Variants in MRC1 observed in about 807,000 individuals in gnomAD.
MRC1 encodes mannose receptor C-type 1, also known as macrophage mannose receptor 1.
MRC1 carries 62 observed loss-of-function variants against 102.9 expected under a neutral mutation model. The observed-to-expected ratio is 0.60, with a 90% confidence interval of 0.49 to 0.74. The LOEUF (loss-of-function observed/expected upper bound fraction) is 0.74, where lower values mean the gene tolerates loss of function less well. Ranked by LOEUF, MRC1 falls within the 30% of genes least tolerant of loss-of-function variation. MRC1 has a pLI of 0.00. For synonymous variants in MRC1, 457 were observed against 298.4 expected, an observed-to-expected ratio of 1.53 and a Z score of -5.48; for missense variants, 1,237 against 862.8, an observed-to-expected ratio of 1.43 and a Z score of -5.43.
rs964446922 is a variant in MRC1 at position 17,848,894 on chromosome 10, G to A, written c.1064-685G>A. ...TGGTGGCGGAGGCTCCTTGGAGACC[G>A]TTTGTCCCCCAGCCATTCCAGCTCT... On this transcript the variant is annotated intron_variant, in intron 6 of 29. Coordinates refer to ENST00000569591, the MANE Select transcript of MRC1 (RefSeq NM_002438.4). Among the ~76,000 whole-genome samples, 29 of 152,234 alleles carry A rather than the reference G, an allele frequency of 1.9e-4. No homozygotes were observed. The East Asian group carries it at 3.1e-3, about 16-fold the overall frequency.
intron 1 of MRC1, among the ~76,000 whole-genome samples, chr10:17,811,314 A>G (rs2130565777): frequency 6.6e-6 from 1 of 152,274 alleles, no homozygotes; most frequent in South Asian, 2.1e-4. Flanking sequence ...GCACAGACAC[A>G]GTGCCTAATT....
At chr10:17,888,273 T>C (rs1207546166) in intron 22 of MRC1, among the ~76,000 whole-genome samples, 1 of 152,064 alleles carries the variant, frequency 6.6e-6, no homozygotes, top group Non-Finnish European at 1.5e-5. Flanking sequence ...GGGGTAAAAA[T>C]AGTTAAGAAA....
intron 15 of MRC1, among the ~76,000 whole-genome samples, chr10:17,872,915 C>T (rs1833374762): frequency 6.6e-6 from 1 of 152,168 alleles, no homozygotes; most frequent in African/African-American, 2.4e-5. Context: ...TCTTGGCAAC[C>T]ATTTCAACTC....
chr10:17,852,922 G>C, intron 7 of MRC1, 45 bp from the exon 8 acceptor site: 2 of 780,704 alleles, frequency 2.6e-6, no homozygotes, highest in Non-Finnish European at 4.8e-6. Context: ...CCGACCTTTG[G>C]AAAGCAACCC....
chr10:17,835,216 C>T (rs1338785317), intron 4 of MRC1, among the ~76,000 whole-genome samples: 1 of 152,188 alleles, frequency 6.6e-6, no homozygotes, highest in East Asian at 1.9e-4. Flanking sequence ...AATTCTATTT[C>T]CATCTGCATT....
chr10:17,825,912 G>T (rs931777921), intron 2 of MRC1, among the ~76,000 whole-genome samples: 2 of 152,088 alleles, frequency 1.3e-5, no homozygotes, highest in African/African-American at 2.4e-5. Flanking sequence ...TGAATACAGC[G>T]TGTTCCTAAT....
At chr10:17,825,578 G>T (rs925630323) in intron 2 of MRC1, among the ~76,000 whole-genome samples, 3,373 of 152,188 alleles carry the variant, frequency 0.022, 120 homozygotes, top group African/African-American at 0.078. Context: ...TAAACAAAAT[G>T]TAAAAATAAG....
chr10:17,903,382 C>CTTTTTTT (rs1210207060), intron 26 of MRC1, among the ~76,000 whole-genome samples: 3 of 125,046 alleles, frequency 2.4e-5, no homozygotes, highest in Non-Finnish European at 3.3e-5. Flanking sequence ...TTTTTCTTTT[C>CTTTTTTT]TTTTTTTTTC....
chr10:17,859,329 T>A (rs1332950680), intron 9 of MRC1, among the ~76,000 whole-genome samples: 1 of 152,194 alleles, frequency 6.6e-6, no homozygotes, highest in Non-Finnish European at 1.5e-5. Context: ...TTGTTGTTGT[T>A]GTTTTTGAGA....
chr10:17,845,558 T>G lies in MRC1; in HGVS notation c.1063+123T>G. The G allele has an allele frequency of 1.1e-5, 8 of 728,720 alleles. No individual in the cohort carries two copies. In the Admixed American group the frequency reaches 1.2e-4, roughly 11 times the overall value. The allele number at this position is 728,720 out of a possible 1,614,324, so 45.1% of individuals were successfully genotyped here. On this transcript the variant is annotated intron_variant, in intron 6 of 29. Coordinates refer to ENST00000569591, the MANE Select transcript of MRC1 (RefSeq NM_002438.4). ...TTTGTGGATAGTTGATGGGGTAAAC[T>G]TAATGATATTACTGCAATATTTCTG...
rs1833838133 is a variant in MRC1, at chr10:17,902,189, A to G, written c.3799+67A>G. The G allele has an allele frequency of 4.2e-6, 3 of 713,300 alleles. 1 individual carries two copies. The highest frequency in any genetic ancestry group is 3.5e-5 in the African/African-American group (2 of 56,430). 44.2% of individuals were successfully genotyped at this position (713,300 alleles called of 1,614,324 possible). Reference sequence around the variant, plus strand: ...ATTCTGGGGTCCACTGACACTATACATGAAATATACAAAGAATGTAAAAAT... The same window carrying G: ...ATTCTGGGGTCCACTGACACTATACGTGAAATATACAAAGAATGTAAAAAT... On this transcript the variant is annotated intron_variant, in intron 26 of 29. Transcript: ENST00000569591.
At chr10:17,893,812 A>C (rs1245405157) in intron 22 of MRC1, among the ~76,000 whole-genome samples, 1 of 152,234 alleles carries the variant, frequency 6.6e-6, no homozygotes, top group Admixed American at 6.5e-5. Flanking sequence ...AAATATATAG[A>C]TCATGCTCAT....
At chr10:17,839,732 TCAGAA>T (rs1838721879) in intron 4 of MRC1, among the ~76,000 whole-genome samples, 1 of 152,012 alleles carries the variant, frequency 6.6e-6, no homozygotes, top group African/African-American at 2.4e-5. Flanking sequence ...TTAAAATAAC[TCAGAA>T]CAGAGAATTC....
chr10:17,880,415 A>G, intron 19 of MRC1, 110 bp from the exon 20 acceptor site: 1 of 737,728 alleles, frequency 1.4e-6, no homozygotes, highest in African/African-American at 1.8e-5. Context: ...AAGTTTGATT[A>G]TAGTCTAAAT....
rs1833509625 is a variant in MRC1, at chr10:17,881,138, C to T, written c.2937C>T (p.Gly979=). The T allele has an allele frequency of 1.9e-5, 15 of 780,724 alleles. No homozygotes were observed. Among genetic ancestry groups the T allele is most frequent in the Non-Finnish European group, 2.6e-5 (11 of 417,926 alleles). 48.4% of individuals were successfully genotyped at this position (780,724 alleles called of 1,614,324 possible). A position where few individuals can be genotyped will look rare whatever the true frequency, so the allele number is the denominator to read the frequency against. Residue 979 remains glycine (G), a synonymous_variant, in exon 21 of 30, where the codon GGC becomes GGT. Coordinates refer to ENST00000569591, the MANE Select transcript of MRC1 (RefSeq NM_002438.4). ...NWQEARKACI[G]FGGNLVSIQN... ...AAGAGGCACGAAAAGCTTGTATAGG[C>T]TTTGGAGGGAATCTGGTCTCCATAC...
chr10:17,860,761 T>C (rs908888621), intron 9 of MRC1, among the ~76,000 whole-genome samples: 42 of 152,360 alleles, frequency 2.8e-4, no homozygotes, highest in African/African-American at 9.6e-4. Context: ...ATTCTAAAAC[T>C]GGTATCTTAG....
At chr10:17,884,819 C>T (rs1241664268) in intron 21 of MRC1, among the ~76,000 whole-genome samples, 53 of 152,300 alleles carry the variant, frequency 3.5e-4, no homozygotes, top group Non-Finnish European at 1.5e-5. Context: ...CTTGTTTTGA[C>T]AGTTTTTATT....
Position 17,853,040 on chromosome 10 carries a change from C to A in MRC1, c.1323C>A (p.Thr441=). The A allele has an allele frequency of 1.3e-6, 1 of 780,688 alleles. No homozygotes were observed. The highest frequency in any genetic ancestry group is 2.4e-6 in the Non-Finnish European group (1 of 417,926). 48.4% of individuals were successfully genotyped at this position (780,688 alleles called of 1,614,324 possible). A position where few individuals can be genotyped will look rare whatever the true frequency, so the allele number is the denominator to read the frequency against. ...IQMYFEWSDG[T]PVTFTKWLRG... Reference sequence around the variant, plus strand: ...TGTACTTTGAGTGGAGTGATGGGACCCCTGTAACGTTTACCAAATGGCTTC... The same window carrying A: ...TGTACTTTGAGTGGAGTGATGGGACACCTGTAACGTTTACCAAATGGCTTC... Residue 441 remains threonine, a synonymous_variant, in exon 8 of 30, where the codon ACC becomes ACA. Transcript: ENST00000569591.
intron 2 of MRC1, among the ~76,000 whole-genome samples, chr10:17,825,511 C>G (rs1838462032): frequency 1.3e-5 from 2 of 152,098 alleles, no homozygotes; most frequent in African/African-American, 4.8e-5. Flanking sequence ...GAGGCTAAGG[C>G]AAGAGGATCA....
Sources: allele counts gnomAD v4.1 joint callset (sites outside exome capture counted in the v4.1 genomes callset), GRCh38; gene constraint gnomAD v4.1.1; transcripts MANE v1.5; gene names NCBI Gene and HGNC (gene_info 2026-07-23, HGNC 2026-07-21).